Variants in SPDYE21 observed in about 807,000 individuals in gnomAD.
SPDYE21 encodes the protein speedy protein E21.
In SPDYE21, 14 loss-of-function variants were observed where a neutral mutation model predicts 36.2. The ratio of observed to expected loss-of-function variants is 0.39; its 90% CI spans 0.26 to 0.61. The LOEUF is 0.61. Among genes scored for constraint, SPDYE21 ranks in the 20% least tolerant of loss-of-function variants. The pLI, the probability that SPDYE21 is intolerant of heterozygous loss-of-function variation, is 0.55. For missense variants in SPDYE21, 233 were observed against 424.6 expected (o/e 0.55, Z 3.97); for synonymous variants, 58 against 155.1 (o/e 0.37, Z 4.65).
At chr7:67,277,264 G>T (rs1159951381) in intron 1 of SPDYE21, among the ~76,000 whole-genome samples, 1 of 151,596 alleles carries the variant, frequency 6.6e-6, no homozygotes, top group Non-Finnish European at 1.5e-5. Context: ...TCACCATGTT[G>T]TCCAGGCTGG....
intron 1 of SPDYE21, among the ~76,000 whole-genome samples, chr7:67,277,352 C>A (rs1346774361): frequency 6.6e-5 from 10 of 151,852 alleles, no homozygotes; most frequent in Admixed American, 4.6e-4. Flanking sequence ...AGCCACTGAG[C>A]CCAGCCGGGA....
At position 67,286,026 on chromosome 7, in the gene SPDYE21, C is replaced by T. The variant is rs1488169042; in HGVS notation, c.756-18C>T. 6.2e-7 allele frequency: 1 copy of T among 1,612,552 alleles called. No individual in the cohort carries two copies. Among genetic ancestry groups the T allele is most frequent in the Non-Finnish European group, 8.5e-7 (1 of 1,179,952 alleles). On this transcript the variant is annotated intron_variant, in intron 6 of 8. Coordinates refer to ENST00000424157, the MANE Select transcript of SPDYE21 (RefSeq NM_001382715.2). ...TCCTGGTGGTGCCCCTGAGCAGCAACCTGATTTCTATCCTCAGCTACCTGG... is the reference window on the plus strand; with the variant it reads ...TCCTGGTGGTGCCCCTGAGCAGCAATCTGATTTCTATCCTCAGCTACCTGG...
rs1298771686 is a variant in SPDYE21, at chr7:67,288,649, C to A, written c.*1177C>A. ...TTGTTTTCCTTTTTAAGAGAGGATT[C>A]TTTTCATCCTAAATCTTTTACCTTT... On this transcript the variant is annotated 3_prime_UTR_variant, in exon 9 of 9. Coordinates refer to ENST00000424157, the MANE Select transcript of SPDYE21 (RefSeq NM_001382715.2). Among the ~76,000 whole-genome samples the A allele has an allele frequency of 2.0e-5, 3 of 148,142 alleles. No individual in the cohort carries two copies. The highest frequency in any genetic ancestry group is 7.4e-5 in the African/African-American group (3 of 40,616).
chr7:67,287,829 G>A lies in SPDYE21; in HGVS notation c.*357G>A, dbSNP rs1424059037. Among the ~76,000 whole-genome samples the A allele has an allele frequency of 2.0e-5, 3 of 152,142 alleles. No individual in the cohort carries two copies. The highest frequency in any genetic ancestry group is 4.4e-5 in the Non-Finnish European group (3 of 68,046). ...AACCTCCCTGGGGCGGAACCTGGAG[G>A]TGCTGTTTCTTACGGACTTGGTTGC... On this transcript the variant is annotated 3_prime_UTR_variant, in exon 9 of 9. Coordinates refer to ENST00000424157, the MANE Select transcript of SPDYE21 (RefSeq NM_001382715.2).
intron 5 of SPDYE21, among the ~76,000 whole-genome samples, chr7:67,283,085 T>C (rs973621261): frequency 1.3e-5 from 2 of 151,312 alleles, no homozygotes; most frequent in East Asian, 1.9e-4. Flanking sequence ...AGATTATAGA[T>C]GTCAGCCACT....
chr7:67,280,765 C>A (rs1288482215), intron 3 of SPDYE21, among the ~76,000 whole-genome samples: 1 of 121,364 alleles, frequency 8.2e-6, no homozygotes, highest in Non-Finnish European at 1.6e-5. Flanking sequence ...GGAAGGAGCA[C>A]GTGAGGAGGG....
chr7:67,285,980 C>G (rs1802723394), intron 6 of SPDYE21, 64 bp from the exon 7 acceptor site: 6 of 1,611,574 alleles, frequency 3.7e-6, no homozygotes, highest in South Asian at 3.3e-5. Context: ...CTCTGGGAAG[C>G]TGACCTCAGC....
intron 5 of SPDYE21, among the ~76,000 whole-genome samples, chr7:67,283,358 T>C (rs1338202322): frequency 6.6e-6 from 1 of 152,216 alleles, no homozygotes; most frequent in Non-Finnish European, 1.5e-5. Flanking sequence ...TCTCAAACTG[T>C]TGGGCTCACG....
At chr7:67,281,021 G>C (rs1170754187) in intron 3 of SPDYE21, among the ~76,000 whole-genome samples, 3 of 141,264 alleles carry the variant, frequency 2.1e-5, no homozygotes, top group African/African-American at 7.6e-5. Context: ...GGCGGAGGTT[G>C]CAGTGAGCCA....
At chr7:67,277,533 A>G (rs1802560919) in intron 1 of SPDYE21, among the ~76,000 whole-genome samples, 3 of 152,092 alleles carry the variant, frequency 2.0e-5, no homozygotes, top group Non-Finnish European at 1.5e-5. Context: ...TTCCTGTCAC[A>G]TGAGTCTCCC....
Position 67,286,682 on chromosome 7 carries a change from G to A in SPDYE21, c.*45+18G>A, listed in dbSNP as rs542992985. On this transcript the variant is annotated intron_variant, in intron 8 of 8. Coordinates refer to ENST00000424157, the MANE Select transcript of SPDYE21 (RefSeq NM_001382715.2). ...GAGAGAAGGTACATCTGCATCCTCC[G>A]GGGTAAAGGCAGAATATTGGGGTCT... Among the ~76,000 whole-genome samples, 91 of 152,124 alleles carry A rather than the reference G, an allele frequency of 6.0e-4. No homozygotes were observed. The highest frequency in any genetic ancestry group is 3.4e-3 in the Middle Eastern group (1 of 294).
At position 67,285,003 on chromosome 7, in the gene SPDYE21, G is replaced by A. The variant is rs1156371119; in HGVS notation, c.755+1005G>A. Among the ~76,000 whole-genome samples, 21 of 151,690 alleles carry A rather than the reference G, an allele frequency of 1.4e-4. 1 individual carries two copies. The highest frequency in any genetic ancestry group is 9.9e-4 in the Admixed American group (15 of 15,170). On this transcript the variant is annotated intron_variant, in intron 6 of 8. Coordinates refer to ENST00000424157, the MANE Select transcript of SPDYE21 (RefSeq NM_001382715.2). Reference sequence around the variant, plus strand: ...TTTGTGTTTTCTGTCTGGGTGTCCCGCACACATGTGGCTCTGAAGGGAAGG... The same window carrying A: ...TTTGTGTTTTCTGTCTGGGTGTCCCACACACATGTGGCTCTGAAGGGAAGG...
In SPDYE21 at chr7:67,286,588, T is replaced by C. The variant is rs376004987; in HGVS notation, c.1178T>C (p.Val393Ala). Among the ~76,000 whole-genome samples the C allele has an allele frequency of 6.6e-6, 1 of 151,944 alleles. No homozygotes were observed. The highest frequency in any genetic ancestry group is 1.9e-4 in the East Asian group (1 of 5,184). The stretch of plus-strand genomic sequence containing the variant: ...CAGGCTTATGACCCAGAGCACTGGG[T>C]GTGGGCACGAGATCGCGCTCACCTT... ...EIQAYDPEHW[V>A]WARDRAHLS The change falls in exon 8 of 9, where the codon GTG becomes GCG. Residue 393 changes from valine (V) to alanine (A), a missense_variant. Coordinates refer to ENST00000424157, the MANE Select transcript of SPDYE21 (RefSeq NM_001382715.2).
At chr7:67,284,871 T>C (rs1320392380) in intron 6 of SPDYE21, among the ~76,000 whole-genome samples, 2 of 151,376 alleles carry the variant, frequency 1.3e-5, no homozygotes, top group African/African-American at 2.4e-5. Context: ...GTCCACAGTG[T>C]CAATTCTACC....
In SPDYE21 at chr7:67,287,974, GGTTT is replaced by G. The variant is rs1368226384; in HGVS notation, c.*508_*511del. On this transcript the variant is annotated 3_prime_UTR_variant, in exon 9 of 9. Transcript: ENST00000424157. ...CTTCATGCACACTCTGCATTTTATTGGTTTGTTTGGAAAATGTTGGCCATTGAAT... is the reference window on the plus strand; with the variant it reads ...CTTCATGCACACTCTGCATTTTATTGGTTTGGAAAATGTTGGCCATTGAAT... Among the ~76,000 whole-genome samples, 1 of 150,748 alleles carries G rather than the reference GGTTT, an allele frequency of 6.6e-6. No homozygotes were observed. The highest frequency in any genetic ancestry group is 1.9e-4 in the East Asian group (1 of 5,134).
intron 8 of SPDYE21, among the ~76,000 whole-genome samples, 60 bp downstream of exon 8, chr7:67,286,724 G>A (rs1346288934): frequency 8.6e-5 from 13 of 152,026 alleles, no homozygotes; most frequent in Admixed American, 7.9e-4. Context: ...GAAATCCGAA[G>A]AACCCAATTG....
rs918354799 is a variant in SPDYE21, at chr7:67,287,796, T to C, written c.*324T>C. 4.6e-5 allele frequency among the ~76,000 whole-genome samples: 7 copies of C among 152,116 alleles called. No individual in the cohort carries two copies. The highest frequency in any genetic ancestry group is 1.7e-4 in the African/African-American group (7 of 41,432). ...GGCACCACCACCCTTTTTATATTGC[T>C]GAATTCCAACCTCCCTGGGGCGGAA... On this transcript the variant is annotated 3_prime_UTR_variant, in exon 9 of 9. Transcript: ENST00000424157.
chr7:67,288,195 G>A lies in SPDYE21; in HGVS notation c.*723G>A, dbSNP rs544140238. On this transcript the variant is annotated 3_prime_UTR_variant, in exon 9 of 9. Transcript: ENST00000424157. ...AATTTTTTTCTGTATTATTATATGT[G>A]CTCCTGAAGCGAGCACTCTTTTTAT... Among the ~76,000 whole-genome samples, 1 of 150,024 alleles carries A rather than the reference G, an allele frequency of 6.7e-6. No homozygotes were observed. Among genetic ancestry groups the A allele is most frequent in the South Asian group, 2.1e-4 (1 of 4,730 alleles).
At chr7:67,281,209 C>T (rs1346632426) in intron 3 of SPDYE21, among the ~76,000 whole-genome samples, 165 bp from the exon 4 acceptor site, 8 of 145,506 alleles carry the variant, frequency 5.5e-5, no homozygotes, top group African/African-American at 1.5e-4. Flanking sequence ...GGAGAAGGAG[C>T]GGCACATGGA....
Sources: gnomAD v4.1 joint callset for allele counts (sites outside exome capture counted in the v4.1 genomes callset) on GRCh38, gnomAD v4.1.1 for gene constraint, MANE v1.5 for transcripts, NCBI Gene and HGNC (gene_info 2026-07-23, HGNC 2026-07-21) for gene names.